SLC29A1: variants seen among roughly 807,000 people sequenced by gnomAD.
SLC29A1 encodes solute carrier family 29 member 1 (Augustine blood group).
In SLC29A1, 22 loss-of-function variants were observed where a neutral mutation model predicts 48.3. That is an observed-to-expected ratio of 0.46 (90% confidence interval 0.33 to 0.65). The LOEUF (loss-of-function observed/expected upper bound fraction) is 0.65, where lower values mean the gene tolerates loss of function less well. Ranked by LOEUF, SLC29A1 falls within the 30% of genes least tolerant of loss-of-function variation. The pLI is 0.03. For missense variants in SLC29A1, 491 were observed against 575.3 expected (o/e 0.85, Z 1.50); for synonymous variants, 228 against 231.0 (o/e 0.99, Z 0.12).
chr6:44,233,144 A>C, intron 12 of SLC29A1, 138 bp downstream of exon 12: 1 of 948,864 alleles, frequency 1.1e-6, no homozygotes, highest in Non-Finnish European at 1.6e-6. Flanking sequence ...AGGGGCTCCC[A>C]GGCTGAGGGG....
chr6:44,232,049 A>T lies in SLC29A1; in HGVS notation c.916A>T (p.Met306Leu). ...VCFIFTITIG[M>L]FPAVTVEVKS... ...CTTCATCTTCACTATCACCATTGGGATGTTTCCAGCCGTGACTGTTGAGGT... is the reference window on the plus strand; with the variant it reads ...CTTCATCTTCACTATCACCATTGGGTTGTTTCCAGCCGTGACTGTTGAGGT... The change falls in exon 10 of 13, where the codon ATG becomes TTG. Residue 306 changes from methionine (M) to leucine (L), a missense_variant. Met to Leu is a conservative substitution (Grantham distance 15). Coordinates refer to ENST00000371755, the MANE Select transcript of SLC29A1 (RefSeq NM_001372327.1). This position sits in a 1 kb window ranked among gnomAD's most constrained non-coding sequence, Gnocchi z 4.7. The T allele has an allele frequency of 1.2e-6, 2 of 1,614,036 alleles. No individual in the cohort carries two copies. Among genetic ancestry groups the T allele is most frequent in the Non-Finnish European group, 1.7e-6 (2 of 1,179,972 alleles).
At chr6:44,222,360 G>A (rs1029961154), upstream of SLC29A1, among the ~76,000 whole-genome samples, 5 of 152,134 alleles carry the variant, frequency 3.3e-5, no homozygotes, top group Admixed American at 6.5e-5. Flanking sequence ...AGTAGCTTGG[G>A]GAGAGCCACT....
chr6:44,221,770 G>T (rs1318445383), upstream of SLC29A1: 1 of 562,582 alleles, frequency 1.8e-6, no homozygotes, highest in Non-Finnish European at 2.9e-6. The surrounding 1 kb of genome is among the most constrained non-coding windows in gnomAD (Gnocchi z 4.2). Flanking sequence ...AGGGGTGTGG[G>T]TGTTGGCTAG....
rs748730737 is a variant in SLC29A1, at chr6:44,229,601, C to G, written c.124C>G (p.Arg42Gly). Residue 42 changes from arginine to glycine, a missense_variant, in exon 4 of 13, where the codon CGC (arginine) becomes GGC (glycine). By Grantham distance (125) the Arg-to-Gly change is moderately radical (BLOSUM62 -2). Coordinates refer to ENST00000371755, the MANE Select transcript of SLC29A1 (RefSeq NM_001372327.1). This position sits in a 1 kb window ranked among gnomAD's most constrained non-coding sequence, Gnocchi z 5.1. Reference protein sequence around the residue: ...FMTATQYFTNRLDMSQNVSLV... With the variant: ...FMTATQYFTNGLDMSQNVSLV... ...GCAACCCCTGCAGTATTTCACAAACCGCCTGGACATGTCCCAGAATGTGTC... is the reference window on the plus strand; with the variant it reads ...GCAACCCCTGCAGTATTTCACAAACGGCCTGGACATGTCCCAGAATGTGTC... The G allele has an allele frequency of 6.2e-7, 1 of 1,614,110 alleles. No individual in the cohort carries two copies. The highest frequency in any genetic ancestry group is 1.1e-5 in the South Asian group (1 of 91,080).
At chr6:44,222,069 G>A (rs1776493109), upstream of SLC29A1, among the ~76,000 whole-genome samples, 1 of 152,156 alleles carries the variant, frequency 6.6e-6, no homozygotes, top group Non-Finnish European at 1.5e-5. Context: ...TGGGGAGCGA[G>A]GAAGGGGGCC....
rs920838533 is a variant in SLC29A1 at position 44,230,867 on chromosome 6, C to T, written c.744C>T (p.Thr248=). 6.2e-7 allele frequency: 1 copy of T among 1,613,866 alleles called. No homozygotes were observed. Among genetic ancestry groups the T allele is most frequent in the African/African-American group, 1.3e-5 (1 of 74,892 alleles). The stretch of plus-strand genomic sequence containing the variant: ...TTGAAGGACCCGGGGAGCAGGAGAC[C>T]AAGTTGGACCTCATTAGCAAAGGTC... ...LKLEGPGEQE[T]KLDLISKGEE... is the part of the protein sequence containing the mutation. Residue 248 remains threonine (T), a synonymous_variant, in exon 8 of 13, where the codon ACC becomes ACT. Transcript: ENST00000371755.
At chr6:44,230,709 G>A in intron 7 of SLC29A1, 44 bp downstream of exon 7, 1 of 1,492,386 alleles carries the variant, frequency 6.7e-7, no homozygotes, top group African/African-American at 1.4e-5. Context: ...TAGGGGTCTG[G>A]GGTTCCAGAC....
At chr6:44,231,931 G>C (rs369982665) in intron 9 of SLC29A1, 67 bp from the exon 10 acceptor site, 1 of 1,221,962 alleles carries the variant, frequency 8.2e-7, no homozygotes. Context: ...GCCTGGATTC[G>C]TGGTTCTTTA....
chr6:44,232,751 G>T lies in SLC29A1; in HGVS notation c.1060-56G>T, dbSNP rs1345963298. On this transcript the variant is annotated intron_variant, in intron 11 of 12. Coordinates refer to ENST00000371755, the MANE Select transcript of SLC29A1 (RefSeq NM_001372327.1). The surrounding 1 kb of genome is among the most constrained non-coding windows in gnomAD (Gnocchi z 4.7). ...AGGGGCCCCAGATGGATCCTTGGGGGCCTGGCTGTGCCCTGGGGTGGCGGC... is the reference window on the plus strand; with the variant it reads ...AGGGGCCCCAGATGGATCCTTGGGGTCCTGGCTGTGCCCTGGGGTGGCGGC... 10 of 1,547,086 alleles carry T rather than the reference G, an allele frequency of 6.5e-6. No individual in the cohort carries two copies. In the Admixed American group the frequency reaches 1.0e-4, roughly 16 times the overall value.
Position 44,232,914 on chromosome 6 carries a change from C to A in SLC29A1, c.1167C>A (p.Val389=). ...AGCCCCGCCGCTACCTGACTGTGGT[C>A]TTCGAGCACGATGCCTGGTTCATCT... is the stretch of plus-strand genomic sequence containing the variant. The part of the protein sequence containing the change: ...NIKPRRYLTV[V]FEHDAWFIFF... Residue 389 remains valine (V), a synonymous_variant, in exon 12 of 13, where the codon GTC becomes GTA. Coordinates refer to ENST00000371755, the MANE Select transcript of SLC29A1 (RefSeq NM_001372327.1). The surrounding 1 kb of genome is among the most constrained non-coding windows in gnomAD (Gnocchi z 4.7). 1 of 1,614,198 alleles carries A rather than the reference C, an allele frequency of 6.2e-7. No individual in the cohort carries two copies. The highest frequency in any genetic ancestry group is 8.5e-7 in the Non-Finnish European group (1 of 1,180,056).
In SLC29A1 at chr6:44,232,253, A is replaced by G; in HGVS notation, c.974-90A>G. 8.6e-7 allele frequency: 1 copy of G among 1,160,532 alleles called. No individual in the cohort carries two copies. The highest frequency in any genetic ancestry group is 1.7e-5 in the Admixed American group (1 of 59,010). 71.9% of individuals were successfully genotyped at this position (1,160,532 alleles called of 1,614,324 possible). A position where few individuals can be genotyped will look rare whatever the true frequency, so the allele number is the denominator to read the frequency against. ...GGGCTGGAAGCATCTTCTCCATTTTACTGTTGGGGAAGCTGAGGCCCAGTG... is the reference window on the plus strand; with the variant it reads ...GGGCTGGAAGCATCTTCTCCATTTTGCTGTTGGGGAAGCTGAGGCCCAGTG... On this transcript the variant is annotated intron_variant, in intron 10 of 12. Coordinates refer to ENST00000371755, the MANE Select transcript of SLC29A1 (RefSeq NM_001372327.1). The surrounding 1 kb of genome is among the most constrained non-coding windows in gnomAD (Gnocchi z 4.7).
chr6:44,229,420 GCTGGGT>G lies in SLC29A1; in HGVS notation c.66_71del (p.Leu23_Gly24del), dbSNP rs1202091405. The G allele has an allele frequency of 6.2e-7, 1 of 1,614,158 alleles. No homozygotes were observed. The highest frequency in any genetic ancestry group is 1.7e-5 in the Admixed American group (1 of 60,022). On this transcript the variant is annotated inframe_deletion, in exon 3 of 13. Coordinates refer to ENST00000371755, the MANE Select transcript of SLC29A1 (RefSeq NM_001372327.1). This position sits in a 1 kb window ranked among gnomAD's most constrained non-coding sequence, Gnocchi z 5.1. ...AAGCTGTCTGGCTTATCTTCTTCAT[GCTGGGT>G]CTGGGAACGCTGCTCCCGTGGAATT...
At chr6:44,230,531 G>A (rs771791738) in intron 6 of SLC29A1, 37 bp from the exon 7 acceptor site, 4 of 1,614,044 alleles carry the variant, frequency 2.5e-6, no homozygotes, top group East Asian at 2.2e-5. Context: ...TGGGGAGAGG[G>A]GATGGGGCCT....
chr6:44,230,141 C>A, intron 5 of SLC29A1, 95 bp downstream of exon 5: 1 of 1,548,834 alleles, frequency 6.5e-7, no homozygotes, highest in Non-Finnish European at 8.8e-7. Context: ...GAAGCCCAGC[C>A]TCCGCCTGGA....
upstream of SLC29A1, among the ~76,000 whole-genome samples, chr6:44,222,380 T>A (rs935015367): frequency 1.1e-4 from 16 of 151,992 alleles, no homozygotes; most frequent in African/African-American, 3.9e-4. Context: ...TGACCCTAAT[T>A]AGAAAAGCCA....
chr6:44,226,105 C>T lies in SLC29A1; in HGVS notation c.-51-1158C>T, dbSNP rs944981107. 1.2e-5 allele frequency: 12 copies of T among 985,260 alleles called. No homozygotes were observed. The African/African-American group carries it at 2.1e-4, about 17-fold the overall frequency. The allele number at this position is 985,260 out of a possible 1,614,324, so 61.0% of individuals were successfully genotyped here. On this transcript the variant is annotated intron_variant, in intron 1 of 12. Coordinates refer to ENST00000371755, the MANE Select transcript of SLC29A1 (RefSeq NM_001372327.1). Reference sequence around the variant, plus strand: ...ACTGCCTGAGCCTGAACTAGGAGCACCTCCTAGGGACTGCCCAGGCTTGCT... The same window carrying T: ...ACTGCCTGAGCCTGAACTAGGAGCATCTCCTAGGGACTGCCCAGGCTTGCT...
chr6:44,230,045 T>C lies in SLC29A1; in HGVS notation c.453T>C (p.Asn151=). 1 of 1,605,836 alleles carries C rather than the reference T, an allele frequency of 6.2e-7. No individual in the cohort carries two copies. Among genetic ancestry groups the C allele is most frequent in the Non-Finnish European group, 8.5e-7 (1 of 1,179,982 alleles). The change falls in exon 5 of 13, where the codon AAT becomes AAC. Residue 151 remains asparagine (N), a splice_region_variant and synonymous_variant. Transcript: ENST00000371755. ...CCATGATCAAGATCGTGCTCATTAA[T>C]TGTAAGCTGGGCCAGGAGGGGGCCT... ...VITMIKIVLI[N]SFGAILQGSL...
chr6:44,225,364 G>A (rs1473427299), intron 1 of SLC29A1, among the ~76,000 whole-genome samples: 2 of 152,008 alleles, frequency 1.3e-5, no homozygotes, highest in Non-Finnish European at 2.9e-5. Context: ...AAATCAGCCG[G>A]GGGTGGTGGC....
At chr6:44,231,488 C>A (rs781748975) in intron 9 of SLC29A1, 27 bp downstream of exon 9, 1 of 1,413,124 alleles carries the variant, frequency 7.1e-7, no homozygotes, top group Admixed American at 1.7e-5. Flanking sequence ...ATCCTATCTT[C>A]TACCCCTTGT....
Sources: allele counts gnomAD v4.1 joint callset (sites outside exome capture counted in the v4.1 genomes callset), GRCh38; gene constraint gnomAD v4.1.1; non-coding constraint Gnocchi (gnomAD v3.1); transcripts MANE v1.5; gene names NCBI Gene and HGNC (gene_info 2026-07-23, HGNC 2026-07-21).